Variants in REDIC1 observed in about 807,000 individuals in gnomAD.
The protein encoded by REDIC1 is regulator of DNA class I crossover intermediates 1.
the REDIC1 span, among the ~76,000 whole-genome samples, chr12:39,655,720 A>G: frequency 3.9e-5 from 6 of 152,152 alleles, no homozygotes; most frequent in African/African-American, 1.4e-4. Context: ...CAACCTTGGT[A>G]GAGCTACCAC....
chr12:39,840,204 G>C, the REDIC1 span, among the ~76,000 whole-genome samples: 2 of 151,810 alleles, frequency 1.3e-5, no homozygotes, highest in African/African-American at 4.8e-5. Flanking sequence ...GCTAATTTTT[G>C]TATTATTAGT....
chr12:39,682,735 G>A, the REDIC1 span: 11 of 1,613,146 alleles, frequency 6.8e-6, no homozygotes, highest in Non-Finnish European at 9.3e-6. Flanking sequence ...GCATATTTGG[G>A]GGAAAAATGG....
the REDIC1 span, among the ~76,000 whole-genome samples, chr12:39,743,269 T>G: frequency 6.6e-6 from 1 of 152,096 alleles, no homozygotes; most frequent in African/African-American, 2.4e-5. Context: ...CTTTCCCACC[T>G]AGAGGGAGAA....
At chr12:39,886,574 T>C in the REDIC1 span, among the ~76,000 whole-genome samples, 1 of 152,090 alleles carries the variant, frequency 6.6e-6, no homozygotes, top group Admixed American at 6.6e-5. Context: ...TTCTGAAAAA[T>C]AGAAAGAATT....
chr12:39,703,723 A>C, the REDIC1 span, among the ~76,000 whole-genome samples: 1 of 152,212 alleles, frequency 6.6e-6, no homozygotes, highest in African/African-American at 2.4e-5. Flanking sequence ...TACTGGTACC[A>C]AAAGAGAGAT....
chr12:39,704,900 C>T, the REDIC1 span, among the ~76,000 whole-genome samples: 1 of 151,734 alleles, frequency 6.6e-6, no homozygotes, highest in African/African-American at 2.4e-5. Flanking sequence ...GGAAGGGGAA[C>T]ATCACACTCT....
At chr12:39,639,218 G>A in the REDIC1 span, among the ~76,000 whole-genome samples, 1 of 151,822 alleles carries the variant, frequency 6.6e-6, no homozygotes, top group African/African-American at 2.4e-5. Context: ...TCTTTGTAAA[G>A]TTTGAATGGC....
the REDIC1 span, among the ~76,000 whole-genome samples, chr12:39,885,688 C>T: frequency 3.3e-5 from 5 of 152,156 alleles, no homozygotes; most frequent in Non-Finnish European, 5.9e-5. Context: ...TCTTCTACCT[C>T]GTGAATCATG....
the REDIC1 span, among the ~76,000 whole-genome samples, chr12:39,875,910 A>G: frequency 6.6e-6 from 1 of 152,202 alleles, no homozygotes; most frequent in Admixed American, 6.5e-5. Flanking sequence ...TGCATTTTCA[A>G]GGGACTGTAT....
the REDIC1 span, among the ~76,000 whole-genome samples, chr12:39,780,377 A>G: frequency 1.3e-5 from 2 of 152,220 alleles, no homozygotes; most frequent in African/African-American, 2.4e-5. Flanking sequence ...ATGGAAAAAG[A>G]GATGAAATGA....
chr12:39,796,422 T>TAAAAAAAA, the REDIC1 span, among the ~76,000 whole-genome samples: 1 of 117,624 alleles, frequency 8.5e-6, no homozygotes. Context: ...GGACCCATCT[T>TAAAAAAAA]AAAAAAAAAA....
At chr12:39,836,448 TCA>T in the REDIC1 span, among the ~76,000 whole-genome samples, 1 of 152,102 alleles carries the variant, frequency 6.6e-6, no homozygotes. Context: ...ATGCCCTCTC[TCA>T]CCACTCCTAT....
the REDIC1 span, among the ~76,000 whole-genome samples, chr12:39,727,079 G>A: frequency 1.3e-5 from 2 of 152,220 alleles, no homozygotes; most frequent in African/African-American, 4.8e-5. Flanking sequence ...TTTGTCAGAT[G>A]GATAGATTGC....
chr12:39,689,701 G>C, the REDIC1 span, among the ~76,000 whole-genome samples: 1 of 152,100 alleles, frequency 6.6e-6, no homozygotes, highest in Non-Finnish European at 1.5e-5. Context: ...GAGGTTTGAG[G>C]AGTACTAGTG....
At chr12:39,832,594 A>G in the REDIC1 span, among the ~76,000 whole-genome samples, 1 of 152,030 alleles carries the variant, frequency 6.6e-6, no homozygotes, top group Non-Finnish European at 1.5e-5. Flanking sequence ...GTGACCTACT[A>G]TGTGCCACAC....
chr12:39,896,324 A>ATG, the REDIC1 span, among the ~76,000 whole-genome samples: 253 of 128,826 alleles, frequency 2.0e-3, 11 homozygotes, highest in African/African-American at 7.0e-3. Flanking sequence ...ATGTATGTAT[A>ATG]TGTGTATATA....
the REDIC1 span, among the ~76,000 whole-genome samples, chr12:39,794,767 TCAATTTGCGAATCATTCTTTGCA>T: frequency 4.6e-5 from 7 of 152,212 alleles, no homozygotes; most frequent in African/African-American, 4.8e-5. Flanking sequence ...CATTCTTTGC[TCAATTTGCGAATCATTCTTTGCA>T]CAATTAAACT....
the REDIC1 span, among the ~76,000 whole-genome samples, chr12:39,838,326 C>T: frequency 4.0e-5 from 5 of 123,706 alleles, no homozygotes; most frequent in East Asian, 1.2e-3. Context: ...GAATATCACA[C>T]TCTGGGGACT....
the REDIC1 span, among the ~76,000 whole-genome samples, chr12:39,885,966 T>G: frequency 6.6e-6 from 1 of 152,202 alleles, no homozygotes; most frequent in East Asian, 1.9e-4. Flanking sequence ...GCAAATGTTT[T>G]GTATAGAAAC....
Sources: allele counts gnomAD v4.1 joint callset (sites outside exome capture counted in the v4.1 genomes callset), GRCh38; gene constraint gnomAD v4.1.1; transcripts MANE v1.5; gene names NCBI Gene and HGNC (gene_info 2026-07-23, HGNC 2026-07-21).